ADGRD1: variants seen among roughly 807,000 people sequenced by gnomAD.
ADGRD1 encodes the protein G-protein coupled receptor 133.
A neutral mutation model predicts 113.4 loss-of-function variants in ADGRD1; 77 were observed. The ratio of observed to expected loss-of-function variants is 0.68; its 90% CI spans 0.57 to 0.82. The LOEUF is 0.82. ADGRD1 is among the 40% of genes least tolerant of loss of function. ADGRD1 has a pLI of 0.00. For missense variants in ADGRD1, 1,036 were observed against 1,139.1 expected, an observed-to-expected ratio of 0.91 and a Z score of 1.30; for synonymous variants, 474 against 475.0, an observed-to-expected ratio of 1.00 and a Z score of 0.03.
intron 15 of ADGRD1, among the ~76,000 whole-genome samples, chr12:131,099,790 A>C (rs1950027526): frequency 6.6e-6 from 1 of 152,220 alleles, no homozygotes; most frequent in South Asian, 2.1e-4. Flanking sequence ...TGTTTCTTAC[A>C]ATCATTTCAA....
chr12:131,123,726 G>A (rs1359252600), intron 20 of ADGRD1, among the ~76,000 whole-genome samples: 1 of 151,902 alleles, frequency 6.6e-6, no homozygotes, highest in Non-Finnish European at 1.5e-5. Flanking sequence ...GGAGGCTGAG[G>A]CAGGAAAATG....
intron 15 of ADGRD1, among the ~76,000 whole-genome samples, chr12:131,090,843 AT>A (rs1169390761): frequency 2.0e-5 from 3 of 152,218 alleles, no homozygotes; most frequent in African/African-American, 7.2e-5. Context: ...GGGCACAGGC[AT>A]TTTGATTTTG....
At chr12:131,052,377 G>A (rs986195145) in intron 13 of ADGRD1, among the ~76,000 whole-genome samples, 4 of 152,158 alleles carry the variant, frequency 2.6e-5, no homozygotes, top group South Asian at 2.1e-4. Context: ...ATCACTTCTC[G>A]TCTTCTCACC....
intron 24 of ADGRD1, among the ~76,000 whole-genome samples, chr12:131,138,822 A>G (rs112681205): frequency 0.028 from 4,289 of 152,300 alleles, 198 homozygotes; most frequent in African/African-American, 0.098. Context: ...GGTGTGTGGC[A>G]CGCTCCATGA....
chr12:131,100,837 A>C (rs1457426446), intron 15 of ADGRD1, among the ~76,000 whole-genome samples: 1 of 152,218 alleles, frequency 6.6e-6, no homozygotes, highest in Non-Finnish European at 1.5e-5. Context: ...ACCTCACTGC[A>C]TTTGCAAATA....
At position 130,979,817 on chromosome 12, in the gene ADGRD1, TCACACACACACA is replaced by T. The variant is rs10526212; in HGVS notation, c.311-2033_311-2022del. On this transcript the variant is annotated intron_variant, in intron 4 of 24. Transcript: ENST00000261654. ...AGAATCCAGACAGGCAGCTAGTGTC[TCACACACACACA>T]CACACACACACACACACACACACAC... Among the ~76,000 whole-genome samples the T allele has an allele frequency of 9.1e-4, 49 of 53,840 alleles. 1 individual carries two copies. The highest frequency in any genetic ancestry group is 4.7e-3 in the Admixed American group (20 of 4,218). 35.3% of individuals were successfully genotyped at this position (53,840 alleles called of 152,430 possible).
chr12:131,063,244 T>G (rs914748052), intron 13 of ADGRD1, among the ~76,000 whole-genome samples: 1 of 152,216 alleles, frequency 6.6e-6, no homozygotes, highest in African/African-American at 2.4e-5. Context: ...TCTCCTTGTC[T>G]GCAGCTTATC....
chr12:131,006,608 C>T (rs1321044400), intron 12 of ADGRD1, among the ~76,000 whole-genome samples: 2 of 150,590 alleles, frequency 1.3e-5, no homozygotes, highest in Non-Finnish European at 2.9e-5. Flanking sequence ...GCTCCTGCAG[C>T]ATCGCCTCAT....
intron 13 of ADGRD1, among the ~76,000 whole-genome samples, chr12:131,031,267 C>T (rs1325131133): frequency 6.6e-6 from 1 of 152,214 alleles, no homozygotes; most frequent in East Asian, 1.9e-4. Flanking sequence ...CTGGGGCAGC[C>T]TTGGGTACTG....
intron 13 of ADGRD1, among the ~76,000 whole-genome samples, chr12:131,042,054 C>T (rs969279674): frequency 2.0e-5 from 3 of 152,244 alleles, no homozygotes; most frequent in Non-Finnish European, 2.9e-5. Context: ...GCCCCAGGCC[C>T]CTGCACGGGG....
Position 130,954,394 on chromosome 12 carries a change from G to A in ADGRD1, c.-72G>A, listed in dbSNP as rs1417940643. On this transcript the variant is annotated 5_prime_UTR_variant, in exon 1 of 25. Transcript: ENST00000261654. The surrounding 1 kb of genome is among the most constrained non-coding windows in gnomAD (Gnocchi z 4.7). The stretch of plus-strand genomic sequence containing the variant: ...AATGTCCCTTTTCCAAGGAAGTGAA[G>A]GTTAAGAGGTCCCGTTCTCACAGAC... 7.6e-7 allele frequency: 1 copy of A among 1,319,310 alleles called. No homozygotes were observed. The highest frequency in any genetic ancestry group is 1.5e-5 in the African/African-American group (1 of 67,662). 81.7% of individuals were successfully genotyped at this position (1,319,310 alleles called of 1,614,324 possible).
intron 15 of ADGRD1, among the ~76,000 whole-genome samples, chr12:131,088,581 C>T (rs563714562): frequency 1.3e-5 from 2 of 152,002 alleles, no homozygotes; most frequent in South Asian, 2.1e-4. Context: ...AGGGTGGGGA[C>T]GGAGGGCAAG....
intron 8 of ADGRD1, among the ~76,000 whole-genome samples, chr12:130,997,835 T>TG (rs1321493126): frequency 1.3e-5 from 2 of 152,226 alleles, no homozygotes; most frequent in East Asian, 3.9e-4. Context: ...CTCGGCACTT[T>TG]GGGAGGCCAA....
rs1884223669 is a variant in ADGRD1 at position 131,060,446 on chromosome 12, C to T, written c.1474-16355C>T. ...GACAGCAGGGGTCATGTTCAAAAGACCCAGCAGCATGGACAATGCTGTGTC... is the reference window on the plus strand; with the variant it reads ...GACAGCAGGGGTCATGTTCAAAAGATCCAGCAGCATGGACAATGCTGTGTC... On this transcript the variant is annotated intron_variant, in intron 13 of 24. Transcript: ENST00000261654. The surrounding 1 kb of genome is among the most constrained non-coding windows in gnomAD (Gnocchi z 4.4). Among the ~76,000 whole-genome samples the T allele has an allele frequency of 6.6e-6, 1 of 152,186 alleles. No individual in the cohort carries two copies. The highest frequency in any genetic ancestry group is 2.1e-4 in the South Asian group (1 of 4,828).
intron 14 of ADGRD1, among the ~76,000 whole-genome samples, chr12:131,077,602 C>A (rs533844818): frequency 6.6e-6 from 1 of 152,048 alleles, no homozygotes; most frequent in Non-Finnish European, 1.5e-5. Context: ...CCCGCAGGGC[C>A]GGGGAGTGGA....
intron 19 of ADGRD1, 65 bp from the exon 20 acceptor site, chr12:131,120,782 T>C: frequency 4.6e-6 from 7 of 1,528,132 alleles, no homozygotes; most frequent in Non-Finnish European, 6.4e-6. Context: ...CAACTACTTT[T>C]GGATGAAGGT....
At chr12:131,067,452 T>G (rs1439425914) in intron 13 of ADGRD1, among the ~76,000 whole-genome samples, 1 of 152,252 alleles carries the variant, frequency 6.6e-6, no homozygotes, top group African/African-American at 2.4e-5. Flanking sequence ...CAGGCCTCTC[T>G]GGGCCTCCTC....
intron 9 of ADGRD1, chr12:131,002,923 C>T (rs929169096): frequency 1.1e-5 from 9 of 804,430 alleles, no homozygotes; most frequent in South Asian, 3.4e-5. Context: ...CCTCAGTCCC[C>T]GTGTCTAAGT....
At chr12:130,997,192 C>CT (rs1483071811) in intron 8 of ADGRD1, among the ~76,000 whole-genome samples, 1 of 134,286 alleles carries the variant, frequency 7.4e-6, no homozygotes, top group South Asian at 2.5e-4. Flanking sequence ...GGGCTGACCC[C>CT]CCCCCCCGGA....
Sources: gnomAD v4.1 joint callset for allele counts (sites outside exome capture counted in the v4.1 genomes callset) on GRCh38, gnomAD v4.1.1 for gene constraint, Gnocchi (gnomAD v3.1) non-coding constraint, MANE v1.5 for transcripts, NCBI Gene and HGNC (gene_info 2026-07-23, HGNC 2026-07-21) for gene names.